The following EBP variants were observed in gnomAD, a reference collection of about 807,000 sequenced individuals.
EBP encodes 3-beta-hydroxysteroid-Delta(8),Delta(7)-isomerase.
A neutral mutation model predicts 14.1 loss-of-function variants in EBP; 1 was observed. That is an observed-to-expected ratio of 0.07 (90% CI 0.03 to 0.34). The LOEUF is 0.34. Ranked by LOEUF, EBP falls within the 10% of genes least tolerant of loss-of-function variation. The pLI is 0.99. For synonymous variants in EBP, 72 were observed against 77.7 expected, an observed-to-expected ratio of 0.93 and a Z score of 0.38; for missense variants, 123 against 184.6, an observed-to-expected ratio of 0.67 and a Z score of 1.93.
intron 1 of EBP, among the ~76,000 whole-genome samples, chrX:48,522,609 A>G (rs1173250265): frequency 8.9e-5 from 10 of 112,071 alleles, no homozygotes; most frequent in Non-Finnish European, 1.9e-4. Flanking sequence ...TATGGCTTCT[A>G]AAGGGCTGGA....
chrX:48,526,978 C>T lies in EBP; in HGVS notation c.302-11C>T, dbSNP rs2061780957. 2 of 1,211,385 alleles carry T rather than the reference C, an allele frequency of 1.7e-6. No individual in the cohort carries two copies. The highest frequency in any genetic ancestry group is 2.2e-6 in the Non-Finnish European group (2 of 895,034). ...CCTTTATTCTTCATATCTCTCTCTTCTTTTCTTCAGGGAAAGAGTATGCCA... is the reference window on the plus strand; with the variant it reads ...CCTTTATTCTTCATATCTCTCTCTTTTTTTCTTCAGGGAAAGAGTATGCCA... On this transcript the variant is annotated splice_polypyrimidine_tract_variant and intron_variant, in intron 2 of 4. Transcript: ENST00000495186.
In EBP at chrX:48,523,715, T is replaced by C; in HGVS notation, c.-57T>C. 1 of 821,738 alleles carries C rather than the reference T, an allele frequency of 1.2e-6. No individual in the cohort carries two copies. The highest frequency in any genetic ancestry group is 1.6e-6 in the Non-Finnish European group (1 of 616,507). 67.7% of individuals were successfully genotyped at this position (821,738 alleles called of 1,213,427 possible). A position where few individuals can be genotyped will look rare whatever the true frequency, so the allele number is the denominator to read the frequency against. On this transcript the variant is annotated 5_prime_UTR_variant, in exon 2 of 5. Coordinates refer to ENST00000495186, the MANE Select transcript of EBP (RefSeq NM_006579.3). The stretch of plus-strand genomic sequence containing the variant: ...TTTGTCCAGGTTTTTCTGTTCCTTT[T>C]TTTTTTTTTTTTTTAACTTCCTGCC...
In EBP at chrX:48,528,214, TC is replaced by T. The variant is rs1556977730; in HGVS notation, c.470-16del. On this transcript the variant is annotated intron_variant, in intron 4 of 4. Transcript: ENST00000495186. ...CCCCTTCCTCACTGGGGCTTCTCCT[TC>T]CCCTCCTGCCACCCACAGGCCAGAT... 1.7e-6 allele frequency: 2 copies of T among 1,197,005 alleles called. No individual in the cohort carries two copies. Among genetic ancestry groups the T allele is most frequent in the Admixed American group, 4.4e-5 (2 of 45,544 alleles).
At chrX:48,527,418 C>T in intron 4 of EBP, 133 bp downstream of exon 4, 1 of 1,035,482 alleles carries the variant, frequency 9.7e-7, no homozygotes, top group Non-Finnish European at 1.3e-6. Context: ...AATGACAAAC[C>T]CCCTGAGGCT....
chrX:48,528,459 G>T lies in EBP; in HGVS notation c.*2G>T. 1 of 1,164,238 alleles carries T rather than the reference G, an allele frequency of 8.6e-7. No homozygotes were observed. Among genetic ancestry groups the T allele is most frequent in the Non-Finnish European group, 1.1e-6 (1 of 871,092 alleles). ...AAAGCCAAGAGCAAGAAGAACTGAG[G>T]AGTGGTGGACCAGGCTCGAACACTG... On this transcript the variant is annotated 3_prime_UTR_variant, in exon 5 of 5. Transcript: ENST00000495186.
In EBP at chrX:48,526,627, C is replaced by T. The variant is rs782386270; in HGVS notation, c.302-362C>T. 5.4e-5 allele frequency among the ~76,000 whole-genome samples: 6 copies of T among 111,980 alleles called. No homozygotes were observed. In the East Asian group the frequency reaches 8.3e-4, roughly 16 times the overall value. ...GATTACAGGCATGAGCCATCGTGCC[C>T]GGCGGTCTTTTTCTTTCTGATTCTC... On this transcript the variant is annotated intron_variant, in intron 2 of 4. Coordinates refer to ENST00000495186, the MANE Select transcript of EBP (RefSeq NM_006579.3).
chrX:48,526,291 C>T (rs1339128769), intron 2 of EBP, among the ~76,000 whole-genome samples: 1 of 108,938 alleles, frequency 9.2e-6, no homozygotes, highest in Non-Finnish European at 1.9e-5. Context: ...TTGTGAAGAA[C>T]CTATTCAAGT....
chrX:48,522,666 T>G (rs1472783176), intron 1 of EBP, among the ~76,000 whole-genome samples: 5 of 112,039 alleles, frequency 4.5e-5, no homozygotes, highest in Non-Finnish European at 5.6e-5. Flanking sequence ...TCATGTTCTT[T>G]TTCTTTTCTT....
At chrX:48,522,417 G>A (rs782520312) in intron 1 of EBP, among the ~76,000 whole-genome samples, 8 of 111,863 alleles carry the variant, frequency 7.2e-5, no homozygotes, top group East Asian at 2.8e-4. Flanking sequence ...CCGGAGCACA[G>A]GACTGGGTTT....
chrX:48,528,241 C>T lies in EBP; in HGVS notation c.477C>T (p.Ile159=). 1 of 1,210,726 alleles carries T rather than the reference C, an allele frequency of 8.3e-7. No homozygotes were observed. Among genetic ancestry groups the T allele is most frequent in the Non-Finnish European group, 1.1e-6 (1 of 894,827 alleles). The change falls in exon 5 of 5, where the codon ATC becomes ATT. Residue 159 remains isoleucine (I), a synonymous_variant. Coordinates refer to ENST00000495186, the MANE Select transcript of EBP (RefSeq NM_006579.3). ...CCCTCCTGCCACCCACAGGCCAGAT[C>T]TATGGGGATGTGCTCTACTTCCTGA... ...ILQLVVSVGQ[I]YGDVLYFLTE...
intron 1 of EBP, 155 bp downstream of exon 1, chrX:48,522,062 G>C (rs2061763757): frequency 1.0e-5 from 1 of 100,435 alleles, no homozygotes; most frequent in Non-Finnish European, 1.9e-5. Context: ...CGGTTGTCCA[G>C]AGGACAGAAG....
Position 48,528,323 on chromosome X carries a change from T to C in EBP, c.559T>C (p.Phe187Leu). 1 of 1,210,025 alleles carries C rather than the reference T, an allele frequency of 8.3e-7. No homozygotes were observed. ...GELGHPLYFW[F>L]YFVFMNALWL... is the part of the protein sequence containing the mutation. The stretch of plus-strand genomic sequence containing the variant: ...GCTGGGCCACCCTCTCTACTTCTGG[T>C]TTTACTTTGTCTTCATGAATGCCCT... The change falls in exon 5 of 5, where the codon TTT becomes CTT. Residue 187 changes from phenylalanine (F) to leucine (L), a missense_variant. Phe to Leu is a conservative substitution (Grantham distance 22, BLOSUM62 0). Transcript: ENST00000495186.
chrX:48,526,089 C>CAAAAAA (rs781869054), intron 2 of EBP, among the ~76,000 whole-genome samples: 2 of 41,579 alleles, frequency 4.8e-5, no homozygotes, highest in Non-Finnish European at 4.2e-5. Flanking sequence ...GGCTCCGTCT[C>CAAAAAA]AAAAAAAAAA....
At chrX:48,526,204 T>G (rs73485727) in intron 2 of EBP, among the ~76,000 whole-genome samples, 2,336 of 110,346 alleles carry the variant, frequency 0.021, 76 homozygotes, top group African/African-American at 0.072. Context: ...TCATTATGGT[T>G]TTAATTTGCT....
At chrX:48,527,359 C>G (rs2061782536) in intron 4 of EBP, 74 bp downstream of exon 4, 1 of 1,195,173 alleles carries the variant, frequency 8.4e-7, no homozygotes. Context: ...AGATGTATCC[C>G]TGTGGGTGGG....
rs2061761487 is a variant in EBP at position 48,521,843 on chromosome X, G to A, written c.-138G>A. On this transcript the variant is annotated 5_prime_UTR_variant, in exon 1 of 5. Transcript: ENST00000495186. ...GAGCCCGAACTAGGGATGTGACAGA[G>A]CGCGAGACCCAGCCTAAAGAGAGCC... 8.8e-6 allele frequency: 1 copy of A among 113,920 alleles called. No homozygotes were observed. Among genetic ancestry groups the A allele is most frequent in the African/African-American group, 3.2e-5 (1 of 31,295 alleles). 9.4% of individuals were successfully genotyped at this position (113,920 alleles called of 1,213,427 possible).
At chrX:48,523,446 C>A (rs2061769385) in intron 1 of EBP, among the ~76,000 whole-genome samples, 1 of 106,266 alleles carries the variant, frequency 9.4e-6, no homozygotes. Flanking sequence ...CCCAGCTACT[C>A]GGGAGGCTGA....
chrX:48,522,526 T>G (rs1226154045), intron 1 of EBP, among the ~76,000 whole-genome samples: 1 of 111,402 alleles, frequency 9.0e-6, no homozygotes, highest in East Asian at 2.8e-4. Flanking sequence ...GGATCAGGTG[T>G]TGTTCCCATG....
At chrX:48,527,442 G>C in intron 4 of EBP, 157 bp downstream of exon 4, 5 of 866,828 alleles carry the variant, frequency 5.8e-6, no homozygotes, top group Non-Finnish European at 8.2e-6. Flanking sequence ...GAAAGGTCAT[G>C]CCCTTCTCTG....
Sources: gnomAD v4.1 joint callset for allele counts (sites outside exome capture counted in the v4.1 genomes callset) on GRCh38, gnomAD v4.1.1 for gene constraint, MANE v1.5 for transcripts, NCBI Gene and HGNC (gene_info 2026-07-23, HGNC 2026-07-21) for gene names.